Variants in ADGRE3 observed in about 807,000 individuals in gnomAD.
The protein encoded by ADGRE3 is EGF-like module receptor 3.
In ADGRE3, 88 loss-of-function variants were observed where a neutral mutation model predicts 80.1. The observed-to-expected ratio is 1.10, with a 90% CI of 0.93 to 1.31. The LOEUF (loss-of-function observed/expected upper bound fraction) is 1.31, where lower values mean the gene tolerates loss of function less well. Ranked by LOEUF, ADGRE3 falls within the 40% of genes most tolerant of loss-of-function variation. The pLI, the probability that ADGRE3 is intolerant of heterozygous loss-of-function variation, is 0.00. For synonymous variants in ADGRE3, 281 were observed against 294.8 expected (o/e 0.95, Z 0.48); for missense variants, 715 against 776.5 (o/e 0.92, Z 0.94).
rs142516644 is a variant in ADGRE3 at position 14,635,331 on chromosome 19, C to G, written c.1485-2029G>C. Among the ~76,000 whole-genome samples the G allele has an allele frequency of 4.4e-3, 668 of 151,478 alleles. 3 individuals carry two copies. The highest frequency in any genetic ancestry group is 0.016 in the African/African-American group (654 of 41,258). On this transcript the variant is annotated intron_variant, in intron 11 of 15. Transcript: ENST00000253673. ...TGTTGCCCAGCCTGGTCTTGAAGTT[C>G]TGGGCTCAAGCAATCCTTCCTCCTT...
At chr19:14,637,713 A>G (rs915398034) in intron 11 of ADGRE3, among the ~76,000 whole-genome samples, 1 of 150,826 alleles carries the variant, frequency 6.6e-6, no homozygotes, top group African/African-American at 2.4e-5. Flanking sequence ...TTTTTTGTAG[A>G]GATGAGGGCC....
intron 1 of ADGRE3, 132 bp downstream of exon 1, chr19:14,674,614 C>A (rs1972343999): frequency 2.4e-6 from 2 of 847,738 alleles, no homozygotes; most frequent in East Asian, 2.7e-5. Flanking sequence ...GGAAGGAAAC[C>A]ACACTCCAAA....
chr19:14,601,435 G>C, the ADGRE3 span, among the ~76,000 whole-genome samples: 1 of 152,120 alleles, frequency 6.6e-6, no homozygotes, highest in East Asian at 1.9e-4. Flanking sequence ...TACAATTTAG[G>C]TAGTATTACT....
intron 4 of ADGRE3, 49 bp downstream of exon 4, chr19:14,661,914 A>G (rs1971954656): frequency 1.3e-6 from 2 of 1,594,726 alleles, no homozygotes; most frequent in Non-Finnish European, 1.7e-6. Flanking sequence ...CAAACAAACA[A>G]AAAAACAACA....
downstream of ADGRE3, among the ~76,000 whole-genome samples, chr19:14,618,727 A>G (rs1025847628): frequency 6.6e-6 from 1 of 151,040 alleles, no homozygotes; most frequent in Admixed American, 6.6e-5. Flanking sequence ...ATGGTGGTCC[A>G]TACCTGTAAC....
At chr19:14,659,495 AC>A (rs1384490794) in intron 4 of ADGRE3, among the ~76,000 whole-genome samples, 1 of 152,034 alleles carries the variant, frequency 6.6e-6, no homozygotes, top group Non-Finnish European at 1.5e-5. Context: ...GTTAATGAAG[AC>A]TTTTGTGTTG....
intron 7 of ADGRE3, among the ~76,000 whole-genome samples, chr19:14,649,168 A>G (rs1273798484): frequency 2.0e-5 from 2 of 100,914 alleles, no homozygotes; most frequent in Non-Finnish European, 4.1e-5. Flanking sequence ...CTCTCTCCCC[A>G]TCTCTCTCTT....
chr19:14,647,113 G>A (rs1440569409), intron 8 of ADGRE3, 68 bp downstream of exon 8: 3 of 1,310,458 alleles, frequency 2.3e-6, no homozygotes, highest in Non-Finnish European at 3.3e-6. Context: ...CACAGCCTGG[G>A]ATGATACACA....
At chr19:14,617,377 C>CTTTCTTTTTCTTTCTTTCTTT (rs1491527496), downstream of ADGRE3, among the ~76,000 whole-genome samples, 2 of 86,306 alleles carry the variant, frequency 2.3e-5, no homozygotes, top group East Asian at 3.5e-4. Flanking sequence ...TTTCTTTCTT[C>CTTTCTTTTTCTTTCTTTCTTT]CTTTCTTTCT....
At chr19:14,649,026 C>G (rs1386256147) in intron 7 of ADGRE3, among the ~76,000 whole-genome samples, 1 of 146,166 alleles carries the variant, frequency 6.8e-6, no homozygotes, top group Admixed American at 7.0e-5. Context: ...CTTTCCACAT[C>G]TCTCTCTTTC....
Position 14,674,743 on chromosome 19 carries a change from T to C in ADGRE3, c.25+3A>G, listed in dbSNP as rs942602746. 1.9e-6 allele frequency: 3 copies of C among 1,613,784 alleles called. No homozygotes were observed. Among genetic ancestry groups the C allele is most frequent in the Non-Finnish European group, 1.7e-6 (2 of 1,179,912 alleles). On this transcript the variant is annotated splice_donor_region_variant and intron_variant, in intron 1 of 15. Transcript: ENST00000253673. Reference sequence around the variant, plus strand: ...CCTCAGTCATTGTTACAGTCACACATACCTGGAAGAAGCAATGGTCCCTGC... The same window carrying C: ...CCTCAGTCATTGTTACAGTCACACACACCTGGAAGAAGCAATGGTCCCTGC...
At chr19:14,666,939 C>T (rs980153306) in intron 2 of ADGRE3, among the ~76,000 whole-genome samples, 10 of 152,130 alleles carry the variant, frequency 6.6e-5, no homozygotes, top group Admixed American at 1.3e-4. Flanking sequence ...AAATTCATGT[C>T]CACCCAGAAC....
chr19:14,648,780 ACT>A (rs1265283120), intron 7 of ADGRE3, among the ~76,000 whole-genome samples: 1 of 151,726 alleles, frequency 6.6e-6, no homozygotes, highest in African/African-American at 2.4e-5. Context: ...CTGGCCTCAG[ACT>A]CTCTTTGGAT....
At chr19:14,618,599 G>T (rs375095470), downstream of ADGRE3, among the ~76,000 whole-genome samples, 2 of 151,512 alleles carry the variant, frequency 1.3e-5, no homozygotes, top group African/African-American at 4.9e-5. Context: ...GCTCATGCCT[G>T]TAATCCCAGC....
chr19:14,672,030 G>A (rs533778419), intron 1 of ADGRE3, among the ~76,000 whole-genome samples: 2 of 152,248 alleles, frequency 1.3e-5, no homozygotes, highest in African/African-American at 2.4e-5. Context: ...CATTATATGC[G>A]TGAGGCACTT....
At chr19:14,660,279 T>A (rs533709150) in intron 4 of ADGRE3, among the ~76,000 whole-genome samples, 39 of 152,298 alleles carry the variant, frequency 2.6e-4, no homozygotes, top group African/African-American at 8.9e-4. Flanking sequence ...AGAACCCAGG[T>A]AGAATCACAG....
intron 1 of ADGRE3, among the ~76,000 whole-genome samples, chr19:14,672,532 A>G (rs1198209907): frequency 6.6e-6 from 1 of 152,186 alleles, no homozygotes; most frequent in Non-Finnish European, 1.5e-5. Context: ...TCCTCCACTG[A>G]TACTGGCTGC....
At chr19:14,669,743 G>A (rs1972201164) in intron 1 of ADGRE3, among the ~76,000 whole-genome samples, 1 of 152,086 alleles carries the variant, frequency 6.6e-6, no homozygotes, top group African/African-American at 2.4e-5. Flanking sequence ...ACCCACCTCA[G>A]CCTCCCAAAG....
At chr19:14,645,413 C>T (rs1384583998) in intron 8 of ADGRE3, among the ~76,000 whole-genome samples, 1 of 152,144 alleles carries the variant, frequency 6.6e-6, no homozygotes, top group African/African-American at 2.4e-5. Flanking sequence ...AATCCCAGCA[C>T]TTTGGGAAGC....
Sources: allele counts gnomAD v4.1 joint callset (sites outside exome capture counted in the v4.1 genomes callset), GRCh38; gene constraint gnomAD v4.1.1; transcripts MANE v1.5; gene names NCBI Gene and HGNC (gene_info 2026-07-23, HGNC 2026-07-21).